Variants in HSPA12A observed in about 807,000 individuals in gnomAD.
The protein encoded by HSPA12A is heat shock 70 kDa protein 12A.
In HSPA12A, 28 loss-of-function variants were observed where a neutral mutation model predicts 69.2. The observed-to-expected ratio is 0.40, with a 90% CI of 0.30 to 0.55. HSPA12A has a LOEUF of 0.55. HSPA12A is among the 20% of genes least tolerant of loss of function. The probability of loss-of-function intolerance (pLI) is 0.38; values close to 1 mark genes in which losing one functional copy is unlikely to be tolerated. For synonymous variants in HSPA12A, 345 were observed against 370.5 expected (o/e 0.93, Z 0.79); for missense variants, 686 against 900.7 (o/e 0.76, Z 3.05).
upstream of HSPA12A, among the ~76,000 whole-genome samples, chr10:116,746,992 G>C (rs571028849): frequency 2.0e-4 from 31 of 152,342 alleles, no homozygotes; most frequent in Middle Eastern, 3.4e-3. Context: ...CCAAGATTCA[G>C]ATTTGCTAAA....
At chr10:116,760,938 C>T (rs1232633678) in intron 2 of HSPA12A, among the ~76,000 whole-genome samples, 1 of 151,944 alleles carries the variant, frequency 6.6e-6, no homozygotes, top group Non-Finnish European at 1.5e-5. Flanking sequence ...AAAACACATG[C>T]AAATATGCGC....
At chr10:116,780,054 C>A (rs887398249) in intron 2 of HSPA12A, among the ~76,000 whole-genome samples, 1 of 152,196 alleles carries the variant, frequency 6.6e-6, no homozygotes, top group South Asian at 2.1e-4. Flanking sequence ...TTGGGCACTG[C>A]GTCCTTCTCA....
chr10:116,700,857 G>T, intron 4 of HSPA12A, 86 bp downstream of exon 4: 1 of 1,372,822 alleles, frequency 7.3e-7, no homozygotes, highest in Non-Finnish European at 1.0e-6. Flanking sequence ...CCTGGGTTGG[G>T]AGGACATCCC....
chr10:116,811,098 A>G (rs80146382), intron 2 of HSPA12A, among the ~76,000 whole-genome samples: 1,533 of 152,318 alleles, frequency 0.01, 21 homozygotes, highest in African/African-American at 0.032. Flanking sequence ...TGGAGGAGGC[A>G]ACATTTCAGC....
upstream of HSPA12A, among the ~76,000 whole-genome samples, chr10:116,745,870 A>G (rs188206069): frequency 2.4e-4 from 36 of 152,066 alleles, no homozygotes; most frequent in African/African-American, 8.7e-4. Context: ...TGTTAACCCC[A>G]TTGTACAGAT....
intron 5 of HSPA12A, among the ~76,000 whole-genome samples, chr10:116,695,544 C>T (rs12259725): frequency 0.55 from 82,714 of 150,486 alleles, 23,417 homozygotes; most frequent in African/African-American, 0.7. Flanking sequence ...TGGCCGGGCG[C>T]GGTGGCTCAC....
chr10:116,803,798 C>T (rs910816221), intron 2 of HSPA12A, among the ~76,000 whole-genome samples: 66 of 152,234 alleles, frequency 4.3e-4, no homozygotes, highest in Non-Finnish European at 3.2e-4. Flanking sequence ...CCCTTCCCGT[C>T]TTCTCTGACT....
chr10:116,792,187 G>A (rs915180740), intron 2 of HSPA12A, among the ~76,000 whole-genome samples: 5 of 141,398 alleles, frequency 3.5e-5, no homozygotes, highest in East Asian at 2.1e-4. Context: ...CGTTGATCAC[G>A]TAAGCATGTG....
At chr10:116,727,064 CTTT>C (rs1850987690) in intron 1 of HSPA12A, among the ~76,000 whole-genome samples, 1 of 152,168 alleles carries the variant, frequency 6.6e-6, no homozygotes, top group Admixed American at 6.5e-5. Flanking sequence ...GACATTAACA[CTTT>C]TATTAAACCT....
intron 1 of HSPA12A, among the ~76,000 whole-genome samples, chr10:116,725,028 G>T (rs918480289): frequency 6.6e-6 from 1 of 152,192 alleles, no homozygotes; most frequent in Admixed American, 6.5e-5. Context: ...GTTGAGACCT[G>T]CCCAAAGCCT....
At chr10:116,784,854 C>G (rs1844543199) in intron 2 of HSPA12A, among the ~76,000 whole-genome samples, 1 of 152,160 alleles carries the variant, frequency 6.6e-6, no homozygotes. Context: ...GCCTGTAACG[C>G]TAACCTCGGA....
chr10:116,826,106 C>T lies in HSPA12A; in HGVS notation c.91+8829G>A, dbSNP rs185732187. On this transcript the variant is annotated intron_variant, in intron 2 of 12. Coordinates refer to the HSPA12A transcript ENST00000635765. ...GTCTGGACCGCACATGCCCCACCCC[C>T]ACACACACCCAATAACTCCTATGCA... Among the ~76,000 whole-genome samples, 358 of 152,224 alleles carry T rather than the reference C, an allele frequency of 2.4e-3. 2 individuals are homozygous for T. Among genetic ancestry groups the T allele is most frequent in the Non-Finnish European group, 1.9e-3 (128 of 68,018 alleles).
chr10:116,807,751 C>T (rs565175058), intron 2 of HSPA12A, among the ~76,000 whole-genome samples: 32 of 152,314 alleles, frequency 2.1e-4, no homozygotes, highest in African/African-American at 3.8e-4. Flanking sequence ...ACACTGCAGC[C>T]GTTCAGCCCC....
chr10:116,767,839 TC>T (rs1554889933), intron 2 of HSPA12A, among the ~76,000 whole-genome samples: 2 of 152,196 alleles, frequency 1.3e-5, no homozygotes, highest in African/African-American at 4.8e-5. Flanking sequence ...GGCACTATGT[TC>T]CCTAATTGCA....
chr10:116,774,994 G>GCTC (rs1844303101), intron 2 of HSPA12A, among the ~76,000 whole-genome samples: 1 of 138,686 alleles, frequency 7.2e-6, no homozygotes, highest in East Asian at 2.0e-4. Context: ...TCCCAACTGT[G>GCTC]CTGCTTTGGG....
chr10:116,808,526 T>G (rs888702578), intron 2 of HSPA12A, among the ~76,000 whole-genome samples: 8 of 152,144 alleles, frequency 5.3e-5, no homozygotes, highest in African/African-American at 1.9e-4. Flanking sequence ...ACAAGCACAC[T>G]GGAGGCCCTA....
At chr10:116,731,596 A>T (rs139117108) in intron 1 of HSPA12A, among the ~76,000 whole-genome samples, 63 of 152,384 alleles carry the variant, frequency 4.1e-4, no homozygotes, top group Middle Eastern at 3.4e-3. Context: ...ATTTTCTCTA[A>T]GAAAGAACAA....
At chr10:116,850,093 T>G, upstream of HSPA12A, 1 of 393,960 alleles carries the variant, frequency 2.5e-6, no homozygotes, top group Non-Finnish European at 4.8e-6. Context: ...ACACATACCT[T>G]AATGCCCTCA....
At chr10:116,806,897 G>C (rs1459397258) in intron 2 of HSPA12A, among the ~76,000 whole-genome samples, 1 of 152,236 alleles carries the variant, frequency 6.6e-6, no homozygotes, top group Non-Finnish European at 1.5e-5. Context: ...TAAGGATTTG[G>C]AGATGAGGAG....
Sources: allele counts gnomAD v4.1 joint callset (sites outside exome capture counted in the v4.1 genomes callset), GRCh38; gene constraint gnomAD v4.1.1; transcripts MANE v1.5; gene names NCBI Gene and HGNC (gene_info 2026-07-23, HGNC 2026-07-21).